RNF17: variants seen among roughly 807,000 people sequenced by gnomAD.
RNF17 encodes ring finger protein 17.
In RNF17, 31 loss-of-function variants were observed where a neutral mutation model predicts 200.5. That is an observed-to-expected ratio of 0.15 (90% CI 0.12 to 0.21). RNF17 has a LOEUF of 0.21. RNF17 is among the 10% of genes least tolerant of loss of function. The pLI is 1.00. For synonymous variants in RNF17, 606 were observed against 637.8 expected (o/e 0.95, Z 0.75); for missense variants, 1,628 against 1,905.1 (o/e 0.85, Z 2.71).
At chr13:24,874,044 C>A in intron 32 of RNF17, 70 bp from the exon 33 acceptor site, 1 of 1,520,046 alleles carries the variant, frequency 6.6e-7, no homozygotes, top group Non-Finnish European at 9.0e-7. Flanking sequence ...CTTTGATATG[C>A]TGATTTCCTT....
At chr13:24,884,962 A>C in the RNF17 span, among the ~76,000 whole-genome samples, 1 of 152,244 alleles carries the variant, frequency 6.6e-6, no homozygotes, top group Non-Finnish European at 1.5e-5. Context: ...TTTCCTAAGC[A>C]TAAGAATAAA....
chr13:24,874,067 A>T, intron 32 of RNF17, 47 bp from the exon 33 acceptor site: 2 of 1,595,710 alleles, frequency 1.3e-6, no homozygotes, highest in Non-Finnish European at 8.5e-7. Flanking sequence ...GATTAAAAAA[A>T]TTTAATGAAA....
At chr13:24,749,307 C>CTTTTTTTTT in the RNF17 span, among the ~76,000 whole-genome samples, 1,095 of 107,944 alleles carry the variant, frequency 0.01, 70 homozygotes, top group African/African-American at 0.029. Flanking sequence ...TTCTTTCTTT[C>CTTTTTTTTT]TTTTTTTTTT....
chr13:24,811,733 TC>T (rs1401415787), intron 15 of RNF17, among the ~76,000 whole-genome samples: 2 of 141,878 alleles, frequency 1.4e-5, no homozygotes, highest in East Asian at 2.2e-4. Context: ...TTTTAGAGTT[TC>T]CAGTTTTTCT....
At chr13:24,773,204 T>C (rs1881038830) in intron 2 of RNF17, among the ~76,000 whole-genome samples, 1 of 152,218 alleles carries the variant, frequency 6.6e-6, no homozygotes, top group Non-Finnish European at 1.5e-5. Context: ...TTACTGGGTA[T>C]ATACCCAAAG....
chr13:24,760,560 G>C (rs188047908), upstream of RNF17, among the ~76,000 whole-genome samples: 158 of 152,306 alleles, frequency 1.0e-3, no homozygotes, highest in Admixed American at 1.8e-3. Flanking sequence ...CACTGGTCTG[G>C]AGAATGATTT....
At chr13:24,801,104 A>G (rs771881777) in intron 13 of RNF17, among the ~76,000 whole-genome samples, 4 of 152,206 alleles carry the variant, frequency 2.6e-5, no homozygotes, top group Non-Finnish European at 5.9e-5. Flanking sequence ...TTGAAATAAC[A>G]AATAAGTTAA....
At chr13:24,833,087 T>C (rs1889593019) in intron 18 of RNF17, among the ~76,000 whole-genome samples, 1 of 152,156 alleles carries the variant, frequency 6.6e-6, no homozygotes, top group South Asian at 2.1e-4. Flanking sequence ...AGTTCCAAAG[T>C]TGTAACACAT....
intron 34 of RNF17, 62 bp downstream of exon 34, chr13:24,877,248 T>C: frequency 7.1e-7 from 1 of 1,417,308 alleles, no homozygotes; most frequent in Middle Eastern, 2.1e-4. Flanking sequence ...CTTTGTAAAG[T>C]GTTTGTTTCT....
intron 23 of RNF17, among the ~76,000 whole-genome samples, chr13:24,851,237 G>A (rs545552808): frequency 1.3e-5 from 2 of 152,158 alleles, no homozygotes; most frequent in Non-Finnish European, 2.9e-5. Context: ...CAAGTGATCC[G>A]CCCACTTCTG....
the RNF17 span, chr13:24,751,508 G>A: frequency 2.0e-5 from 3 of 151,834 alleles, no homozygotes; most frequent in Non-Finnish European, 4.4e-5. Context: ...AAGGAAAGAT[G>A]TTTTACAGGA....
At chr13:24,879,422 T>C in intron 35 of RNF17, 127 bp downstream of exon 35, 1 of 641,616 alleles carries the variant, frequency 1.6e-6, no homozygotes, top group Non-Finnish European at 2.7e-6. Context: ...TCCACCAGAT[T>C]TCTTCATAGG....
intron 25 of RNF17, among the ~76,000 whole-genome samples, chr13:24,856,190 G>C (rs1892471255): frequency 6.6e-6 from 1 of 152,070 alleles, no homozygotes; most frequent in Admixed American, 6.6e-5. Context: ...GAGAGGCCTA[G>C]GTGGGTGGAT....
chr13:24,841,056 A>C (rs1487524484), intron 18 of RNF17, among the ~76,000 whole-genome samples: 1 of 152,114 alleles, frequency 6.6e-6, no homozygotes, highest in Non-Finnish European at 1.5e-5. Flanking sequence ...TTTTTTAGAG[A>C]TGTTTTCTAA....
At chr13:24,861,906 GTTAA>G (rs1166752367) in intron 27 of RNF17, among the ~76,000 whole-genome samples, 4 of 152,148 alleles carry the variant, frequency 2.6e-5, no homozygotes, top group Admixed American at 2.6e-4. Flanking sequence ...AGAAAAGAGG[GTTAA>G]TTGACTCACA....
At chr13:24,862,610 A>G (rs540592077) in intron 27 of RNF17, 103 bp from the exon 28 acceptor site, 1 of 702,094 alleles carries the variant, frequency 1.4e-6, no homozygotes, top group African/African-American at 1.8e-5. Flanking sequence ...TTGTACTACT[A>G]TCTGATATTA....
At chr13:24,863,516 A>G (rs1038741138) in intron 28 of RNF17, among the ~76,000 whole-genome samples, 2 of 152,134 alleles carry the variant, frequency 1.3e-5, no homozygotes, top group Non-Finnish European at 2.9e-5. Flanking sequence ...AGGTAATAAG[A>G]TCAACCTGCA....
chr13:24,843,773 A>C lies in RNF17; in HGVS notation c.2633A>C (p.His878Pro), dbSNP rs376398497. 9.4e-6 allele frequency: 15 copies of C among 1,601,948 alleles called. No individual in the cohort carries two copies. The highest frequency in any genetic ancestry group is 1.3e-5 in the Non-Finnish European group (15 of 1,171,978). ...ATCCTCAAAGATAATTCTCAAAAGC[A>C]TATTGAAGTTTGGGATCCTTCTCCA... is the stretch of plus-strand genomic sequence containing the variant. ...GYILKDNSQK[H>P]IEVWDPSPEE... is the part of the protein sequence containing the mutation. The change falls in exon 20 of 36, where the codon CAT becomes CCT. Residue 878 changes from histidine (H) to proline (P), a missense_variant. Physicochemically the swap from His to Pro is moderately conservative, Grantham distance 77. Transcript: ENST00000255324.
intron 26 of RNF17, among the ~76,000 whole-genome samples, chr13:24,860,808 A>T (rs905527597): frequency 3.9e-5 from 6 of 152,032 alleles, no homozygotes; most frequent in African/African-American, 1.4e-4. Context: ...ACACTATTGG[A>T]TGAGGGAATA....
Sources: gnomAD v4.1 joint callset for allele counts (sites outside exome capture counted in the v4.1 genomes callset) on GRCh38, gnomAD v4.1.1 for gene constraint, MANE v1.5 for transcripts, NCBI Gene and HGNC (gene_info 2026-07-23, HGNC 2026-07-21) for gene names.